The following ARMH3 variants were observed in gnomAD, a reference collection of about 807,000 sequenced individuals.
ARMH3 encodes armadillo like helical domain containing 3.
A neutral mutation model predicts 99.1 loss-of-function variants in ARMH3; 60 were observed. The ratio of observed to expected loss-of-function variants is 0.61; its 90% CI spans 0.49 to 0.75. ARMH3 has a LOEUF of 0.75. ARMH3 is among the 30% of genes least tolerant of loss of function. The pLI is 0.00. For missense variants in ARMH3, 679 were observed against 843.1 expected, an observed-to-expected ratio of 0.81 and a Z score of 2.41; for synonymous variants, 285 against 292.8, an observed-to-expected ratio of 0.97 and a Z score of 0.27.
chr10:101,870,129 T>C (rs763510443), intron 24 of ARMH3, among the ~76,000 whole-genome samples: 1 of 152,190 alleles, frequency 6.6e-6, no homozygotes, highest in Non-Finnish European at 1.5e-5. Flanking sequence ...ACCAGGCTGA[T>C]AAGCAACAGA....
In ARMH3 at chr10:101,889,444, C is replaced by A; in HGVS notation, c.1828G>T (p.Val610Leu). ...FNPKIESYAAVNHISQLSEEQ... is the reference protein window; with the variant it reads ...FNPKIESYAALNHISQLSEEQ... ...TCTGACAGTTGGGATATGTGATTCA[C>A]AGCAGCGTAGGACTCAATTTTGGGG... Residue 610 changes from valine (V) to leucine (L), a missense_variant, in exon 24 of 26, where the codon GTG becomes TTG. Val to Leu is a conservative substitution (Grantham distance 32). Transcript: ENST00000370033. The A allele has an allele frequency of 1.9e-6, 3 of 1,614,024 alleles. No individual in the cohort carries two copies. Among genetic ancestry groups the A allele is most frequent in the Middle Eastern group, 1.6e-4 (1 of 6,062 alleles).
At chr10:102,036,737 G>A (rs750221293) in intron 2 of ARMH3, among the ~76,000 whole-genome samples, 3 of 151,924 alleles carry the variant, frequency 2.0e-5, no homozygotes, top group Non-Finnish European at 4.4e-5. Context: ...CAAACACTGC[G>A]GCTGCAGGGT....
At chr10:101,897,666 A>C (rs1284790980) in intron 23 of ARMH3, among the ~76,000 whole-genome samples, 1 of 152,158 alleles carries the variant, frequency 6.6e-6, no homozygotes, top group African/African-American at 2.4e-5. Context: ...GGGGCCTCTA[A>C]AGCCACTGAA....
intron 19 of ARMH3, among the ~76,000 whole-genome samples, chr10:101,989,449 G>A (rs1341268167): frequency 1.3e-5 from 2 of 152,054 alleles, no homozygotes; most frequent in Admixed American, 6.6e-5. Flanking sequence ...GGCCAGGTGT[G>A]GTGGCTCATG....
At chr10:101,939,961 G>C (rs773033568) in intron 22 of ARMH3, 23 bp from the exon 23 acceptor site, 2 of 1,607,506 alleles carry the variant, frequency 1.2e-6, no homozygotes, top group South Asian at 2.2e-5. Context: ...AAAGAACACA[G>C]ATCTGTCAAA....
At chr10:101,969,259 T>C (rs1036137438) in intron 20 of ARMH3, among the ~76,000 whole-genome samples, 9 of 152,204 alleles carry the variant, frequency 5.9e-5, no homozygotes, top group African/African-American at 2.2e-4. Flanking sequence ...CTATATACTA[T>C]TTTTGCAACT....
chr10:101,974,662 T>C (rs1845911223), intron 20 of ARMH3, among the ~76,000 whole-genome samples: 1 of 152,188 alleles, frequency 6.6e-6, no homozygotes, highest in African/African-American at 2.4e-5. Context: ...CACTGTAATT[T>C]GCTGTTTTGT....
chr10:101,956,980 A>G (rs1845069102), intron 21 of ARMH3, among the ~76,000 whole-genome samples: 1 of 152,206 alleles, frequency 6.6e-6, no homozygotes, highest in South Asian at 2.1e-4. Context: ...ACCTTTTACT[A>G]ACCTATGCTC....
intron 8 of ARMH3, 137 bp from the exon 9 acceptor site, chr10:102,014,161 C>T (rs2066693002): frequency 6.3e-6 from 4 of 631,352 alleles, no homozygotes; most frequent in Non-Finnish European, 1.1e-5. Flanking sequence ...AGTCCCAATC[C>T]ATATTGCCTG....
intron 24 of ARMH3, among the ~76,000 whole-genome samples, chr10:101,852,329 G>C (rs1340802963): frequency 6.6e-6 from 1 of 152,230 alleles, no homozygotes; most frequent in Non-Finnish European, 1.5e-5. Flanking sequence ...CATGGTAGAA[G>C]GTCTAAGGTC....
chr10:101,984,594 G>A (rs1167118213), intron 19 of ARMH3, among the ~76,000 whole-genome samples: 1 of 152,002 alleles, frequency 6.6e-6, no homozygotes, highest in Non-Finnish European at 1.5e-5. Context: ...CCAATGAGAT[G>A]CGACCTACAT....
chr10:101,941,453 T>C (rs747409027), intron 22 of ARMH3, among the ~76,000 whole-genome samples: 2 of 152,172 alleles, frequency 1.3e-5, no homozygotes, highest in African/African-American at 2.4e-5. Context: ...ATGACCCTCA[T>C]AGCTGAGTAC....
intron 23 of ARMH3, among the ~76,000 whole-genome samples, chr10:101,918,743 G>A (rs1029715060): frequency 2.0e-5 from 3 of 152,092 alleles, no homozygotes; most frequent in Non-Finnish European, 4.4e-5. Context: ...CAAAACAAAT[G>A]GATTTCCCTT....
chr10:101,871,803 C>T (rs2067137704), intron 24 of ARMH3, among the ~76,000 whole-genome samples: 1 of 152,024 alleles, frequency 6.6e-6, no homozygotes, highest in Non-Finnish European at 1.5e-5. Flanking sequence ...GAGTTCAAGA[C>T]CAGCCTGGTC....
Position 102,014,856 on chromosome 10 carries a change from G to A in ARMH3, c.670-832C>T, listed in dbSNP as rs548921890. ...CTCTCCTTACACCTATGGGATGTGA[G>A]GAAAAATTTCATATAAATCAGGCAC... On this transcript the variant is annotated intron_variant, in intron 8 of 25. Transcript: ENST00000370033. Among the ~76,000 whole-genome samples, 3 of 152,262 alleles carry A rather than the reference G, an allele frequency of 2.0e-5. No homozygotes were observed. In the South Asian group the frequency reaches 6.2e-4, roughly 32 times the overall value.
At chr10:101,958,416 C>G (rs1385699252) in intron 20 of ARMH3, among the ~76,000 whole-genome samples, 1 of 152,186 alleles carries the variant, frequency 6.6e-6, no homozygotes, top group African/African-American at 2.4e-5. Flanking sequence ...GACTGACTGC[C>G]AAGTCCCTAG....
intron 19 of ARMH3, among the ~76,000 whole-genome samples, chr10:101,979,099 AC>A (rs1426699059): frequency 2.0e-5 from 3 of 152,108 alleles, no homozygotes; most frequent in Non-Finnish European, 4.4e-5. Flanking sequence ...GCACCACTGC[AC>A]CCCAGCCCAG....
chr10:101,996,404 G>A (rs1221174090), intron 15 of ARMH3, among the ~76,000 whole-genome samples: 1 of 152,162 alleles, frequency 6.6e-6, no homozygotes, highest in Non-Finnish European at 1.5e-5. Flanking sequence ...ATGGCATAAT[G>A]GGGATTACAA....
intron 2 of ARMH3, among the ~76,000 whole-genome samples, chr10:102,036,055 C>T (rs1433381414): frequency 6.6e-6 from 1 of 151,184 alleles, no homozygotes; most frequent in African/African-American, 2.4e-5. Flanking sequence ...TCCGCCCGGC[C>T]GCCCCGTCTG....
Sources: allele counts gnomAD v4.1 joint callset (sites outside exome capture counted in the v4.1 genomes callset), GRCh38; gene constraint gnomAD v4.1.1; transcripts MANE v1.5; gene names NCBI Gene and HGNC (gene_info 2026-07-23, HGNC 2026-07-21).